PCDHA9: variants seen among roughly 807,000 people sequenced by gnomAD.
PCDHA9 encodes the protein protocadherin alpha-9.
In PCDHA9, 62 loss-of-function variants were observed where a neutral mutation model predicts 62.0. The observed-to-expected ratio is 1.00, with a 90% CI of 0.81 to 1.23. The LOEUF (loss-of-function observed/expected upper bound fraction) is 1.23, where lower values mean the gene tolerates loss of function less well. Among genes scored for constraint, PCDHA9 ranks in the 50% most tolerant of loss-of-function variants. The pLI is 0.00. For missense variants in PCDHA9, 1,205 were observed against 1,249.8 expected, an observed-to-expected ratio of 0.96 and a Z score of 0.54; for synonymous variants, 557 against 567.6, an observed-to-expected ratio of 0.98 and a Z score of 0.27.
At position 140,856,153 on chromosome 5, in the gene PCDHA9, C is replaced by G. The variant is rs1554148270; in HGVS notation, c.2394+5264C>G. 8 of 1,598,310 alleles carry G rather than the reference C, an allele frequency of 5.0e-6. 1 individual carries two copies. Among genetic ancestry groups the G allele is most frequent in the Non-Finnish European group, 6.9e-6 (8 of 1,167,862 alleles). On this transcript the variant is annotated intron_variant, in intron 1 of 3. Transcript: ENST00000532602. The stretch of plus-strand genomic sequence containing the variant: ...GCGGCCAGCTCCACTACTCAGTCTA[C>G]GAGGAGGCCAGACACGGCACCTTCG...
Position 140,998,756 on chromosome 5 carries a change from G to A in PCDHA9, c.2543-10871G>A, listed in dbSNP as rs78235138. Among the ~76,000 whole-genome samples, 197 of 152,232 alleles carry A rather than the reference G, an allele frequency of 1.3e-3. 4 individuals carry two copies. In the East Asian group the frequency reaches 0.035, roughly 27 times the overall value. On this transcript the variant is annotated intron_variant, in intron 3 of 3. Coordinates refer to ENST00000532602, the MANE Select transcript of PCDHA9 (RefSeq NM_031857.2). Reference sequence around the variant, plus strand: ...ATTTTGTATTTTTAGAAGAGACACAGTTTCACTATGTTGGTCAGGCTGGTC... The same window carrying A: ...ATTTTGTATTTTTAGAAGAGACACAATTTCACTATGTTGGTCAGGCTGGTC...
At chr5:140,858,825 A>G in intron 1 of PCDHA9, 1 of 333,686 alleles carries the variant, frequency 3.0e-6, no homozygotes, top group Non-Finnish European at 5.6e-6. Flanking sequence ...TTGTATTTGC[A>G]TTACCAAAAA....
chr5:140,993,203 A>T (rs1563587510), intron 3 of PCDHA9, among the ~76,000 whole-genome samples: 2 of 152,090 alleles, frequency 1.3e-5, no homozygotes, highest in African/African-American at 4.8e-5. Context: ...ACTAAAGCTA[A>T]TTTTTTTAGC....
chr5:141,009,944 C>T lies in PCDHA9; in HGVS notation c.*7C>T. On this transcript the variant is annotated 3_prime_UTR_variant, in exon 4 of 4. Coordinates refer to ENST00000532602, the MANE Select transcript of PCDHA9 (RefSeq NM_031857.2). Reference sequence around the variant, plus strand: ...TGACAACAGTGACCAGTGAGGTCCTCAAATGGAAACAAGCCACTTAGCCAG... The same window carrying T: ...TGACAACAGTGACCAGTGAGGTCCTTAAATGGAAACAAGCCACTTAGCCAG... The T allele has an allele frequency of 6.3e-7, 1 of 1,595,754 alleles. No individual in the cohort carries two copies. The highest frequency in any genetic ancestry group is 1.1e-5 in the South Asian group (1 of 87,514).
At chr5:140,969,131 A>C in intron 1 of PCDHA9, 1 of 1,614,138 alleles carries the variant, frequency 6.2e-7, no homozygotes, top group African/African-American at 1.3e-5. Flanking sequence ...CTCCCTCACC[A>C]AGACCTACTG....
At chr5:140,900,295 TTTA>T (rs1335445889) in intron 1 of PCDHA9, among the ~76,000 whole-genome samples, 3 of 152,152 alleles carry the variant, frequency 2.0e-5, no homozygotes, top group Non-Finnish European at 4.4e-5. Context: ...TTTCTGTTTT[TTTA>T]GACAGTCTCA....
chr5:140,900,752 T>C lies in PCDHA9; in HGVS notation c.2394+49863T>C, dbSNP rs565842266. On this transcript the variant is annotated intron_variant, in intron 1 of 3. Coordinates refer to ENST00000532602, the MANE Select transcript of PCDHA9 (RefSeq NM_031857.2). ...GCAGTGGGATTTCTGGATCACTTGG[T>C]AGCTCTATTTTTGGCTTTTTGAGGA... Among the ~76,000 whole-genome samples, 3 of 152,272 alleles carry C rather than the reference T, an allele frequency of 2.0e-5. No homozygotes were observed. In the East Asian group the frequency reaches 5.8e-4, roughly 29 times the overall value.
At chr5:140,943,008 G>A (rs2093405058) in intron 1 of PCDHA9, among the ~76,000 whole-genome samples, 2 of 152,052 alleles carry the variant, frequency 1.3e-5, no homozygotes, top group African/African-American at 4.8e-5. Context: ...TGTAATCCCA[G>A]CACTTTGGGA....
chr5:140,974,613 G>A (rs1416866366), intron 1 of PCDHA9, among the ~76,000 whole-genome samples: 2 of 152,164 alleles, frequency 1.3e-5, no homozygotes, highest in African/African-American at 4.8e-5. Flanking sequence ...CAGGGTTCAA[G>A]CGATTCTCCT....
chr5:140,870,947 G>A lies in PCDHA9; in HGVS notation c.2394+20058G>A. ...TCATATGAATTGCAGCCGGCGGCGGGCGGCTCGCGCATCCCGTTCCGCGTG... is the reference window on the plus strand; with the variant it reads ...TCATATGAATTGCAGCCGGCGGCGGACGGCTCGCGCATCCCGTTCCGCGTG... On this transcript the variant is annotated intron_variant, in intron 1 of 3. Coordinates refer to ENST00000532602, the MANE Select transcript of PCDHA9 (RefSeq NM_031857.2). The A allele has an allele frequency of 6.2e-7, 1 of 1,613,700 alleles. No homozygotes were observed. Among genetic ancestry groups the A allele is most frequent in the Non-Finnish European group, 8.5e-7 (1 of 1,179,896 alleles).
intron 1 of PCDHA9, among the ~76,000 whole-genome samples, chr5:140,889,411 T>A (rs1262087176): frequency 6.6e-6 from 1 of 152,020 alleles, no homozygotes; most frequent in Non-Finnish European, 1.5e-5. Flanking sequence ...CTCGAGTCAG[T>A]TACGTAGATA....
chr5:140,852,579 TTTA>T, intron 1 of PCDHA9: 2 of 849,052 alleles, frequency 2.4e-6, no homozygotes, highest in African/African-American at 1.9e-5. Flanking sequence ...CCAAGGCTTT[TTTA>T]TTTTTTTTTT....
At position 141,010,025 on chromosome 5, in the gene PCDHA9, A is replaced by T; in HGVS notation, c.*88A>T. On this transcript the variant is annotated 3_prime_UTR_variant, in exon 4 of 4. Coordinates refer to ENST00000532602, the MANE Select transcript of PCDHA9 (RefSeq NM_031857.2). ...TAGCAATTCCCTGCTCCTTTTTCCT[A>T]TCTACATGAGCCCTCTTAGAGACCT... The T allele has an allele frequency of 6.4e-7, 1 of 1,573,940 alleles. No homozygotes were observed. The highest frequency in any genetic ancestry group is 1.2e-5 in the South Asian group (1 of 82,592).
chr5:140,975,848 T>C (rs1345383470), intron 1 of PCDHA9, among the ~76,000 whole-genome samples: 1 of 152,234 alleles, frequency 6.6e-6, no homozygotes, highest in Non-Finnish European at 1.5e-5. Flanking sequence ...TCAGTAATAC[T>C]ACATCACCCA....
chr5:140,865,376 G>A (rs1554159396), intron 1 of PCDHA9: 1 of 152,162 alleles, frequency 6.6e-6, no homozygotes, highest in African/African-American at 2.4e-5. Context: ...CATGTTATAG[G>A]TAGGGTAAAG....
intron 1 of PCDHA9, among the ~76,000 whole-genome samples, chr5:140,911,657 ACTC>A (rs782570659): frequency 1.1e-4 from 16 of 151,986 alleles, no homozygotes; most frequent in Non-Finnish European, 1.6e-4. Flanking sequence ...GAGTTACTAA[ACTC>A]CTTGCCTCTC....
At chr5:140,871,488 C>G (rs370808040) in intron 1 of PCDHA9, 14 of 1,591,168 alleles carry the variant, frequency 8.8e-6, no homozygotes, top group African/African-American at 1.3e-5. Context: ...CAAATCACCC[C>G]GGACAGGTGA....
intron 1 of PCDHA9, among the ~76,000 whole-genome samples, chr5:140,953,309 G>A (rs563699783): frequency 1.3e-5 from 2 of 152,220 alleles, no homozygotes; most frequent in East Asian, 1.9e-4. Flanking sequence ...AGAGATGTGG[G>A]AAGAATTTGA....
intron 3 of PCDHA9, among the ~76,000 whole-genome samples, chr5:141,007,031 T>C (rs1554261019): frequency 6.6e-6 from 1 of 152,144 alleles, no homozygotes; most frequent in African/African-American, 2.4e-5. Flanking sequence ...ATGGTATTTA[T>C]ATCTATGGAT....
Sources: gnomAD v4.1 joint callset for allele counts (sites outside exome capture counted in the v4.1 genomes callset) on GRCh38, gnomAD v4.1.1 for gene constraint, MANE v1.5 for transcripts, NCBI Gene and HGNC (gene_info 2026-07-23, HGNC 2026-07-21) for gene names.